The following PARD3 variants were observed in gnomAD, a reference collection of about 807,000 sequenced individuals.
PARD3 encodes partitioning defective 3 homolog.
Under a neutral mutation model 155.4 loss-of-function variants are expected in PARD3, and 75 were observed. That is an observed-to-expected ratio of 0.48 (90% confidence interval 0.40 to 0.58). The LOEUF is 0.58. Ranked by LOEUF, PARD3 falls within the 20% of genes least tolerant of loss-of-function variation. The probability of loss-of-function intolerance (pLI) is 0.00; values close to 1 mark genes in which losing one functional copy is unlikely to be tolerated. For synonymous variants in PARD3, 576 were observed against 610.5 expected (o/e 0.94, Z 0.83); for missense variants, 1,642 against 1,721.7 (o/e 0.95, Z 0.82).
At chr10:34,755,137 C>T (rs938498023) in intron 1 of PARD3, among the ~76,000 whole-genome samples, 5 of 151,384 alleles carry the variant, frequency 3.3e-5, no homozygotes, top group African/African-American at 1.2e-4. Context: ...CGCGGTGGCT[C>T]ATGCCTGTGA....
chr10:34,156,287 G>A (rs1030199414), intron 22 of PARD3, among the ~76,000 whole-genome samples: 8 of 151,982 alleles, frequency 5.3e-5, no homozygotes, highest in African/African-American at 1.7e-4. Flanking sequence ...TTTAGAGATG[G>A]GGTCTTGTTA....
intron 1 of PARD3, among the ~76,000 whole-genome samples, chr10:34,725,935 C>G (rs78312888): frequency 0.011 from 1,678 of 152,222 alleles, 28 homozygotes; most frequent in African/African-American, 0.039. Context: ...ATCCCACGTT[C>G]TCAGTCATGT....
chr10:34,172,068 C>A lies in PARD3; in HGVS notation c.3420-40485G>T, dbSNP rs527991406. ...TTTCTCTTTTTCCCAATCTCTCTAC[C>A]CTTGTGAAAGATTTACTAAAAAGAG... is the stretch of plus-strand genomic sequence containing the variant. On this transcript the variant is annotated intron_variant, in intron 22 of 24. Coordinates refer to ENST00000374788, the MANE Select transcript of PARD3 (RefSeq NM_001184785.2). Among the ~76,000 whole-genome samples the A allele has an allele frequency of 2.0e-5, 3 of 151,688 alleles. No individual in the cohort carries two copies. In the South Asian group the frequency reaches 6.2e-4, roughly 32 times the overall value.
chr10:34,635,819 T>C (rs934628292), intron 2 of PARD3, among the ~76,000 whole-genome samples: 21 of 151,822 alleles, frequency 1.4e-4, no homozygotes, highest in Non-Finnish European at 2.6e-4. Flanking sequence ...GCTGTGTGAG[T>C]TGATATTACC....
chr10:34,482,032 C>CTTTTTTTTTT lies in PARD3; in HGVS notation c.404-11779_404-11770dup, dbSNP rs58877037. ...ACCACTGTGCCCTGCTAATTTTTAT[C>CTTTTTTTTTT]TTTTTTTTTTTTTTTTTTTTGAAGC... On this transcript the variant is annotated intron_variant, in intron 3 of 24. Transcript: ENST00000374788. 5.3e-3 allele frequency among the ~76,000 whole-genome samples: 541 copies of CTTTTTTTTTT among 101,562 alleles called. 47 individuals carry two copies. Among genetic ancestry groups the CTTTTTTTTTT allele is most frequent in the African/African-American group, 0.026 (521 of 20,422 alleles). The allele number at this position is 101,562 out of a possible 152,430, so 66.6% of individuals were successfully genotyped here. A position where few individuals can be genotyped will look rare whatever the true frequency, so the allele number is the denominator to read the frequency against.
At chr10:34,440,790 A>G (rs1004596163) in intron 5 of PARD3, among the ~76,000 whole-genome samples, 2 of 152,110 alleles carry the variant, frequency 1.3e-5, no homozygotes, top group African/African-American at 2.4e-5. Flanking sequence ...CAAATGAGTG[A>G]TGCTGTGCCC....
chr10:34,569,906 A>AAC (rs2086252992), intron 2 of PARD3, among the ~76,000 whole-genome samples: 1 of 151,996 alleles, frequency 6.6e-6, no homozygotes. Context: ...CAAAAAAAAA[A>AAC]AAAACAGATT....
chr10:34,527,722 AAATTT>A (rs2082574700), intron 2 of PARD3, among the ~76,000 whole-genome samples: 1 of 152,250 alleles, frequency 6.6e-6, no homozygotes, highest in Non-Finnish European at 1.5e-5. Context: ...AAAGTTCAAT[AAATTT>A]ATTTTGTAAA....
intron 21 of PARD3, among the ~76,000 whole-genome samples, chr10:34,283,334 C>A (rs1418904174): frequency 6.6e-6 from 1 of 152,058 alleles, no homozygotes; most frequent in Non-Finnish European, 1.5e-5. Context: ...AGGCATAGTA[C>A]CTCTTAGCTG....
chr10:34,441,651 A>G (rs2076468619), intron 5 of PARD3, among the ~76,000 whole-genome samples: 1 of 152,000 alleles, frequency 6.6e-6, no homozygotes, highest in South Asian at 2.1e-4. Context: ...AAGAACGTCC[A>G]CCAGAGCCCC....
At chr10:34,344,345 C>T (rs1366993156) in intron 15 of PARD3, 8 of 892,756 alleles carry the variant, frequency 9.0e-6, no homozygotes, top group Non-Finnish European at 1.1e-5. Flanking sequence ...TGCTGTGGTA[C>T]GATTTCAGCT....
At chr10:34,500,812 C>T (rs2080645025) in intron 3 of PARD3, among the ~76,000 whole-genome samples, 1 of 151,908 alleles carries the variant, frequency 6.6e-6, no homozygotes, top group Non-Finnish European at 1.5e-5. Flanking sequence ...TAATTTAATG[C>T]CTAAAAGTAA....
chr10:34,186,546 C>A (rs1370936169), intron 22 of PARD3, among the ~76,000 whole-genome samples: 1 of 152,014 alleles, frequency 6.6e-6, no homozygotes, highest in African/African-American at 2.4e-5. Flanking sequence ...AGGACCACAA[C>A]CAGTTGCAGA....
chr10:34,371,660 A>C (rs1840678454), intron 12 of PARD3, among the ~76,000 whole-genome samples: 1 of 151,960 alleles, frequency 6.6e-6, no homozygotes, highest in Non-Finnish European at 1.5e-5. Flanking sequence ...ACAATGTAAA[A>C]ATTTTTGGAA....
chr10:34,610,149 T>C (rs934918086), intron 2 of PARD3, among the ~76,000 whole-genome samples: 3 of 152,266 alleles, frequency 2.0e-5, no homozygotes, highest in South Asian at 2.1e-4. Context: ...GTGCATTCTA[T>C]TGGCAACGAC....
chr10:34,635,318 T>C (rs2092429381), intron 2 of PARD3, among the ~76,000 whole-genome samples: 1 of 152,230 alleles, frequency 6.6e-6, no homozygotes, highest in South Asian at 2.1e-4. Flanking sequence ...ATAAGTCAGC[T>C]TGTGGTTACC....
chr10:34,189,855 A>G (rs1356114669), intron 22 of PARD3, among the ~76,000 whole-genome samples: 3 of 152,196 alleles, frequency 2.0e-5, no homozygotes, highest in Non-Finnish European at 4.4e-5. Flanking sequence ...AACCACTGAC[A>G]GTATTTGTTG....
At chr10:34,184,504 C>T (rs902921895) in intron 22 of PARD3, among the ~76,000 whole-genome samples, 13 of 152,044 alleles carry the variant, frequency 8.6e-5, no homozygotes, top group South Asian at 4.2e-4. Context: ...ATCCACAAGC[C>T]GGGGGGTATT....
At chr10:34,520,922 TATC>T (rs1653901571) in intron 2 of PARD3, among the ~76,000 whole-genome samples, 2 of 152,224 alleles carry the variant, frequency 1.3e-5, no homozygotes, top group African/African-American at 2.4e-5. Context: ...TTGATTTTAA[TATC>T]ATCATACTTT....
Sources: allele counts gnomAD v4.1 joint callset (sites outside exome capture counted in the v4.1 genomes callset), GRCh38; gene constraint gnomAD v4.1.1; transcripts MANE v1.5; gene names NCBI Gene and HGNC (gene_info 2026-07-23, HGNC 2026-07-21).